Variants in ACOT11 observed in about 807,000 individuals in gnomAD.
ACOT11 encodes the protein acyl-coenzyme A thioesterase 11.
Under a neutral mutation model 77.5 loss-of-function variants are expected in ACOT11, and 69 were observed. The observed-to-expected ratio is 0.89, with a 90% CI of 0.73 to 1.09. The LOEUF (loss-of-function observed/expected upper bound fraction) is 1.09. Ranked by LOEUF, ACOT11 falls within the 50% of genes least tolerant of loss-of-function variation. ACOT11 has a pLI of 0.00. For missense variants in ACOT11, 766 were observed against 813.7 expected (o/e 0.94, Z 0.71); for synonymous variants, 279 against 313.0 (o/e 0.89, Z 1.15).
chr1:54,563,788 C>G (rs571566194), intron 1 of ACOT11, among the ~76,000 whole-genome samples: 1 of 150,760 alleles, frequency 6.6e-6, no homozygotes, highest in Non-Finnish European at 1.5e-5. Flanking sequence ...GGCTTGGTGC[C>G]GTGGCTCATG....
intron 1 of ACOT11, among the ~76,000 whole-genome samples, chr1:54,583,265 T>A (rs1654382886): frequency 6.6e-6 from 1 of 152,126 alleles, no homozygotes; most frequent in Admixed American, 6.5e-5. Flanking sequence ...AAGCCGTGTT[T>A]CTGGGAACCC....
chr1:54,574,404 C>T (rs772299830), intron 1 of ACOT11, among the ~76,000 whole-genome samples: 1 of 152,180 alleles, frequency 6.6e-6, no homozygotes, highest in Non-Finnish European at 1.5e-5. Flanking sequence ...TAGACCTTGG[C>T]TCTGTGAGGG....
intron 16 of ACOT11, among the ~76,000 whole-genome samples, chr1:54,633,517 C>T (rs1279566214): frequency 3.9e-5 from 6 of 152,120 alleles, no homozygotes; most frequent in Non-Finnish European, 8.8e-5. Flanking sequence ...AGCAAGACTG[C>T]GAACAGTTTG....
rs1460779236 is a variant in ACOT11 at position 54,629,018 on chromosome 1, T to C, written c.1630-1716T>C. Among the ~76,000 whole-genome samples, 5 of 110,862 alleles carry C rather than the reference T, an allele frequency of 4.5e-5. 2 individuals are homozygous for C. Among genetic ancestry groups the C allele is most frequent in the Non-Finnish European group, 9.7e-5 (5 of 51,454 alleles). 72.7% of individuals were successfully genotyped at this position (110,862 alleles called of 152,430 possible). A position where few individuals can be genotyped will look rare whatever the true frequency, so the allele number is the denominator to read the frequency against. On this transcript the variant is annotated intron_variant, in intron 15 of 16. Transcript: ENST00000371316. ...AGGTTGCAGTGAGCCGAGATTGTAC[T>C]GCCGCACTCCAGCCTGGGCGACAGA...
At chr1:54,586,626 G>A (rs953810433) in intron 3 of ACOT11, among the ~76,000 whole-genome samples, 1 of 152,010 alleles carries the variant, frequency 6.6e-6, no homozygotes, top group Non-Finnish European at 1.5e-5. Context: ...TAGAGACGGG[G>A]TTTCGCCATG....
chr1:54,619,570 A>G (rs1644208339), intron 15 of ACOT11, among the ~76,000 whole-genome samples: 1 of 152,152 alleles, frequency 6.6e-6, no homozygotes, highest in Non-Finnish European at 1.5e-5. Context: ...TTTGAAGGTA[A>G]AGGCTTCCTT....
At chr1:54,564,597 G>A (rs1653671340) in intron 1 of ACOT11, among the ~76,000 whole-genome samples, 1 of 152,246 alleles carries the variant, frequency 6.6e-6, no homozygotes, top group South Asian at 2.1e-4. Flanking sequence ...CCTGGGCCGA[G>A]CTGAAGCAGG....
In ACOT11 at chr1:54,609,914, G is replaced by A. The variant is rs772135229; in HGVS notation, c.*802G>A. 16 of 1,608,240 alleles carry A rather than the reference G, an allele frequency of 9.9e-6. No homozygotes were observed. Among genetic ancestry groups the A allele is most frequent in the Non-Finnish European group, 1.3e-5 (15 of 1,179,594 alleles). ...TTCAGCCACAGTTCCCTCGAGGCCAGTGTTCAGCAGGATCATGCCTTCTGT... is the reference window on the plus strand; with the variant it reads ...TTCAGCCACAGTTCCCTCGAGGCCAATGTTCAGCAGGATCATGCCTTCTGT... On this transcript the variant is annotated 3_prime_UTR_variant, in exon 16 of 16. Transcript: ENST00000343744.
intron 15 of ACOT11, among the ~76,000 whole-genome samples, chr1:54,617,046 G>A (rs745999192): frequency 2.0e-5 from 3 of 152,120 alleles, no homozygotes; most frequent in Non-Finnish European, 4.4e-5. Context: ...ACTGCTTTCC[G>A]GAAAAGTTGT....
chr1:54,566,534 G>A (rs1467513655), intron 1 of ACOT11, among the ~76,000 whole-genome samples: 1 of 151,708 alleles, frequency 6.6e-6, no homozygotes, highest in Non-Finnish European at 1.5e-5. Context: ...TAGTTACAGT[G>A]GCTGTGTAAC....
intron 6 of ACOT11, among the ~76,000 whole-genome samples, chr1:54,595,362 G>A (rs12145732): frequency 0.014 from 2,099 of 152,034 alleles, 22 homozygotes; most frequent in East Asian, 0.033. Flanking sequence ...AAATAAATAA[G>A]TATATAGCAT....
At chr1:54,554,213 T>C (rs1208631324) in intron 1 of ACOT11, among the ~76,000 whole-genome samples, 2 of 150,110 alleles carry the variant, frequency 1.3e-5, no homozygotes, top group Non-Finnish European at 3.0e-5. Context: ...AACTCCACCA[T>C]AACATACTCC....
At chr1:54,622,933 G>A (rs1043179182) in intron 15 of ACOT11, among the ~76,000 whole-genome samples, 4 of 152,012 alleles carry the variant, frequency 2.6e-5, no homozygotes, top group African/African-American at 9.7e-5. Context: ...CCAGCACTTT[G>A]AGAGGCTGAG....
At chr1:54,562,231 C>A (rs1479794788) in intron 1 of ACOT11, among the ~76,000 whole-genome samples, 62 of 108,118 alleles carry the variant, frequency 5.7e-4, no homozygotes, top group African/African-American at 2.8e-3. Context: ...GACCCCCCCA[C>A]CTCCCTCCCG....
At chr1:54,576,541 A>G (rs1030117480) in intron 1 of ACOT11, among the ~76,000 whole-genome samples, 4 of 147,338 alleles carry the variant, frequency 2.7e-5, no homozygotes, top group African/African-American at 1.1e-4. Flanking sequence ...AAATATCTCA[A>G]AATAGAAACC....
At chr1:54,630,768 T>C (rs763619605) in exon 16 of ACOT11, 3 of 762,020 alleles carry the variant, frequency 3.9e-6, no homozygotes. Context: ...ACTGAGCTGG[T>C]CTCGGCAAGT....
At chr1:54,592,908 C>T (rs764913447) in intron 4 of ACOT11, among the ~76,000 whole-genome samples, 11 of 152,212 alleles carry the variant, frequency 7.2e-5, no homozygotes, top group African/African-American at 1.2e-4. Flanking sequence ...CCAGCCTCAG[C>T]AGCCAGGTTT....
chr1:54,594,117 T>TGAGGTTAGGGGTTGGCA (rs1553163875), intron 5 of ACOT11, 78 bp downstream of exon 5: 1 of 1,377,398 alleles, frequency 7.3e-7, no homozygotes, highest in Non-Finnish European at 1.0e-6. Flanking sequence ...CTCAGGGGAA[T>TGAGGTTAGGGGTTGGCA]GAGGTTAGGG....
chr1:54,566,593 T>C (rs1157375864), intron 1 of ACOT11, among the ~76,000 whole-genome samples: 1 of 152,144 alleles, frequency 6.6e-6, no homozygotes, highest in Non-Finnish European at 1.5e-5. Context: ...GTTTCTATCA[T>C]CTTGTGATTC....
Sources: gnomAD v4.1 joint callset for allele counts (sites outside exome capture counted in the v4.1 genomes callset) on GRCh38, gnomAD v4.1.1 for gene constraint, MANE v1.5 for transcripts, NCBI Gene and HGNC (gene_info 2026-07-23, HGNC 2026-07-21) for gene names.